The following CSNK1G1 variants were observed in gnomAD, a reference collection of about 807,000 sequenced individuals.
CSNK1G1 encodes the protein casein kinase 1 gamma 1.
In CSNK1G1, 22 loss-of-function variants were observed where a neutral mutation model predicts 59.6. The observed-to-expected ratio is 0.37, with a 90% CI of 0.26 to 0.53. The LOEUF is 0.53. Ranked by LOEUF, CSNK1G1 falls within the 20% of genes least tolerant of loss-of-function variation. The probability of loss-of-function intolerance (pLI) is 0.89; values close to 1 mark genes in which losing one functional copy is unlikely to be tolerated. For missense variants in CSNK1G1, 384 were observed against 519.5 expected, an observed-to-expected ratio of 0.74 and a Z score of 2.54; for synonymous variants, 179 against 177.1, an observed-to-expected ratio of 1.01 and a Z score of -0.08.
chr15:64,330,665 G>A (rs945219069), intron 1 of CSNK1G1, among the ~76,000 whole-genome samples: 3 of 90,928 alleles, frequency 3.3e-5, no homozygotes, highest in African/African-American at 1.3e-4. Context: ...AGTGTTGGAA[G>A]TTCTGGCCAG....
At chr15:64,190,234 G>A (rs2081952737) in intron 10 of CSNK1G1, among the ~76,000 whole-genome samples, 1 of 152,088 alleles carries the variant, frequency 6.6e-6, no homozygotes, top group Non-Finnish European at 1.5e-5. Flanking sequence ...CTATGAGAAG[G>A]CAGCTGTATG....
intron 2 of CSNK1G1, among the ~76,000 whole-genome samples, chr15:64,268,700 T>C (rs565632093): frequency 3.2e-4 from 48 of 152,238 alleles, no homozygotes; most frequent in African/African-American, 1.1e-3. Flanking sequence ...GTTTAAATTG[T>C]CCCAGGATAA....
At chr15:64,336,678 A>G (rs1433764279) in intron 1 of CSNK1G1, among the ~76,000 whole-genome samples, 1 of 152,184 alleles carries the variant, frequency 6.6e-6, no homozygotes, top group Admixed American at 6.6e-5. Context: ...CAAACTAGAA[A>G]GCATCTATAA....
chr15:64,244,135 C>A (rs540560284), intron 4 of CSNK1G1, among the ~76,000 whole-genome samples: 88 of 152,164 alleles, frequency 5.8e-4, no homozygotes, highest in African/African-American at 2.0e-3. Flanking sequence ...CGCCACTGCA[C>A]TCCAGCCTGG....
intron 1 of CSNK1G1, among the ~76,000 whole-genome samples, chr15:64,318,040 C>A (rs1042330260): frequency 3.3e-5 from 5 of 152,122 alleles, no homozygotes; most frequent in African/African-American, 1.2e-4. Flanking sequence ...GACTTCACTT[C>A]TAAACCTTAT....
In CSNK1G1 at chr15:64,167,348, A is replaced by C. The variant is rs981625702; in HGVS notation, c.*4583T>G. ...AACTGAAAACCAAAAACAACAACAAAAAAACAAAACCCAAAGCCAAAGGAA... is the reference window on the plus strand; with the variant it reads ...AACTGAAAACCAAAAACAACAACAACAAAACAAAACCCAAAGCCAAAGGAA... On this transcript the variant is annotated 3_prime_UTR_variant, in exon 12 of 12. Coordinates refer to ENST00000303052, the MANE Select transcript of CSNK1G1 (RefSeq NM_022048.5). 6.6e-6 allele frequency: 1 copy of C among 152,358 alleles called. No individual in the cohort carries two copies. The highest frequency in any genetic ancestry group is 1.5e-5 in the Non-Finnish European group (1 of 68,034). 9.4% of individuals were successfully genotyped at this position (152,358 alleles called of 1,614,324 possible).
Position 64,210,773 on chromosome 15 carries a change from C to G in CSNK1G1, c.679+3117G>C, listed in dbSNP as rs954108620. Among the ~76,000 whole-genome samples the G allele has an allele frequency of 1.3e-5, 2 of 152,152 alleles. No homozygotes were observed. Among genetic ancestry groups the G allele is most frequent in the African/African-American group, 4.8e-5 (2 of 41,426 alleles). ...GATTTCTGTCCTTCCCCCGGACCCC[C>G]CAACACACACAAACCTCACGTTGAA... On this transcript the variant is annotated intron_variant, in intron 6 of 11. Coordinates refer to ENST00000303052, the MANE Select transcript of CSNK1G1 (RefSeq NM_022048.5). This position sits in a 1 kb window ranked among gnomAD's most constrained non-coding sequence, Gnocchi z 4.2.
At chr15:64,317,826 A>G (rs1050905360) in intron 1 of CSNK1G1, among the ~76,000 whole-genome samples, 2 of 152,152 alleles carry the variant, frequency 1.3e-5, no homozygotes, top group Non-Finnish European at 2.9e-5. Flanking sequence ...TAATTTTTCA[A>G]CTGGGAGATT....
At chr15:64,280,338 C>G (rs578126050) in intron 2 of CSNK1G1, among the ~76,000 whole-genome samples, 1 of 151,810 alleles carries the variant, frequency 6.6e-6, no homozygotes, top group Non-Finnish European at 1.5e-5. Context: ...CACTGACCAC[C>G]CAGGACAACC....
Position 64,207,787 on chromosome 15 carries a change from T to A in CSNK1G1, c.680-193A>T, listed in dbSNP as rs773102444. Among the ~76,000 whole-genome samples the A allele has an allele frequency of 5.3e-5, 8 of 152,306 alleles. 1 individual carries two copies. The highest frequency in any genetic ancestry group is 1.7e-4 in the African/African-American group (7 of 41,566). On this transcript the variant is annotated intron_variant, in intron 6 of 11. Transcript: ENST00000303052. ...TGTGTACTTCCTTTGCCTAGATCTG[T>A]TGATGGTAAGTAAATATCAAGAGAA...
In CSNK1G1 at chr15:64,216,785, C is replaced by T. The variant is rs554418176; in HGVS notation, c.293-72G>A. The T allele has an allele frequency of 2.8e-4, 364 of 1,310,576 alleles. No individual in the cohort carries two copies. The highest frequency in any genetic ancestry group is 9.7e-4 in the Admixed American group (44 of 45,426). The allele number at this position is 1,310,576 out of a possible 1,614,324, so 81.2% of individuals were successfully genotyped here. A position where few individuals can be genotyped will look rare whatever the true frequency, so the allele number is the denominator to read the frequency against. On this transcript the variant is annotated intron_variant, in intron 4 of 11. Coordinates refer to ENST00000303052, the MANE Select transcript of CSNK1G1 (RefSeq NM_022048.5). The surrounding 1 kb of genome is among the most constrained non-coding windows in gnomAD (Gnocchi z 4.6). ...CCAAAATATGAGATAACAGTATTAG[C>T]ACTGAATAAAATATTTTTAAAAGTA...
chr15:64,224,641 C>A (rs1412397736), intron 4 of CSNK1G1, among the ~76,000 whole-genome samples: 1 of 152,060 alleles, frequency 6.6e-6, no homozygotes, highest in South Asian at 2.1e-4. Context: ...AACAGCTAGG[C>A]CCAGAATTAA....
chr15:64,313,870 C>CA (rs11402033), intron 1 of CSNK1G1, among the ~76,000 whole-genome samples: 128,457 of 143,568 alleles, frequency 0.89, 58,957 homozygotes, highest in East Asian at 1. Flanking sequence ...AGGTATATGG[C>CA]AAAAAAAAAA....
chr15:64,250,501 G>C (rs7175120), intron 4 of CSNK1G1, among the ~76,000 whole-genome samples: 74 of 152,268 alleles, frequency 4.9e-4, no homozygotes, highest in African/African-American at 1.7e-3. Flanking sequence ...CCAGCATTTT[G>C]GGAGGCTGAA....
intron 2 of CSNK1G1, among the ~76,000 whole-genome samples, chr15:64,299,604 A>T (rs1413098252): frequency 2.7e-5 from 4 of 150,742 alleles, no homozygotes; most frequent in Non-Finnish European, 5.9e-5. Context: ...AAAAAAAAAA[A>T]TTTTATATAT....
At chr15:64,186,532 C>T (rs2081898563) in intron 10 of CSNK1G1, among the ~76,000 whole-genome samples, 1 of 151,626 alleles carries the variant, frequency 6.6e-6, no homozygotes. Context: ...TTTAAAGAGA[C>T]AGGGTCTTGC....
At chr15:64,350,084 A>C (rs569153128) in intron 1 of CSNK1G1, among the ~76,000 whole-genome samples, 29 of 152,304 alleles carry the variant, frequency 1.9e-4, no homozygotes, top group Admixed American at 5.2e-4. Flanking sequence ...TCCTCAGAAG[A>C]AGCTTCTTTT....
chr15:64,253,683 T>C (rs889914045), intron 3 of CSNK1G1, among the ~76,000 whole-genome samples: 1 of 152,148 alleles, frequency 6.6e-6, no homozygotes, highest in Non-Finnish European at 1.5e-5. Flanking sequence ...CATAATTGGA[T>C]GAATGGATAA....
chr15:64,198,494 C>T (rs1436186339), intron 10 of CSNK1G1, among the ~76,000 whole-genome samples: 2 of 152,076 alleles, frequency 1.3e-5, no homozygotes, highest in Admixed American at 6.5e-5. Flanking sequence ...GTGTGAGCCA[C>T]CTTCCCTGGC....
Sources: gnomAD v4.1 joint callset for allele counts (sites outside exome capture counted in the v4.1 genomes callset) on GRCh38, gnomAD v4.1.1 for gene constraint, Gnocchi (gnomAD v3.1) non-coding constraint, MANE v1.5 for transcripts, NCBI Gene and HGNC (gene_info 2026-07-23, HGNC 2026-07-21) for gene names.